Variants in PARD3B observed in about 807,000 individuals in gnomAD.
The protein encoded by PARD3B is par-3 family cell polarity regulator beta.
In PARD3B, 103 loss-of-function variants were observed where a neutral mutation model predicts 130.2. The observed-to-expected ratio is 0.79, with a 90% CI of 0.67 to 0.93. The LOEUF (loss-of-function observed/expected upper bound fraction) is 0.93, where lower values mean the gene tolerates loss of function less well. PARD3B is among the 40% of genes least tolerant of loss of function. The probability of loss-of-function intolerance (pLI) is 0.00; values close to 1 mark genes in which losing one functional copy is unlikely to be tolerated. For synonymous variants in PARD3B, 583 were observed against 553.2 expected, an observed-to-expected ratio of 1.05 and a Z score of -0.76; for missense variants, 1,609 against 1,499.2, an observed-to-expected ratio of 1.07 and a Z score of -1.21.
intron 2 of PARD3B, among the ~76,000 whole-genome samples, chr2:204,835,508 CTT>C (rs540078759): frequency 6.6e-4 from 101 of 152,266 alleles, no homozygotes; most frequent in South Asian, 1.2e-3. Flanking sequence ...CCCTTCCTGT[CTT>C]TATCCCCTGC....
At chr2:205,556,025 T>C (rs34900839) in intron 22 of PARD3B, among the ~76,000 whole-genome samples, 13 of 152,152 alleles carry the variant, frequency 8.5e-5, no homozygotes, top group Non-Finnish European at 1.8e-4. Context: ...GGTTTTCTTG[T>C]CTTTCCCCCT....
rs181466776 is a variant in PARD3B, at chr2:205,236,445, G to T, written c.2141-9333G>T. 7.2e-5 allele frequency among the ~76,000 whole-genome samples: 11 copies of T among 152,074 alleles called. No homozygotes were observed. The East Asian group carries it at 2.1e-3, about 29-fold the overall frequency. On this transcript the variant is annotated intron_variant, in intron 15 of 22. Transcript: ENST00000406610. ...GATGTAAAAATTTGGCACACACACA[G>T]ATGAAAGACTGTGTGAAGACACAGG...
At position 204,887,841 on chromosome 2, in the gene PARD3B, G is replaced by A. The variant is rs1007418611; in HGVS notation, c.223-77311G>A. On this transcript the variant is annotated intron_variant, in intron 2 of 22. Transcript: ENST00000406610. The surrounding 1 kb of genome is among the most constrained non-coding windows in gnomAD (Gnocchi z 4.2). ...GACAGTGCATGGTGCAATGCCAGAA[G>A]TTGACACTGTCATTGGGTGCTGTGG... 4.6e-5 allele frequency among the ~76,000 whole-genome samples: 7 copies of A among 152,296 alleles called. No homozygotes were observed. Among genetic ancestry groups the A allele is most frequent in the Non-Finnish European group, 7.3e-5 (5 of 68,028 alleles).
chr2:205,050,278 A>G (rs1699101442), intron 4 of PARD3B, among the ~76,000 whole-genome samples: 1 of 151,548 alleles, frequency 6.6e-6, no homozygotes, highest in African/African-American at 2.4e-5. Context: ...TACCAGGGAA[A>G]TGTTTATCTG....
chr2:205,257,994 T>C (rs1306021368), intron 16 of PARD3B, among the ~76,000 whole-genome samples: 2 of 152,160 alleles, frequency 1.3e-5, no homozygotes, highest in Non-Finnish European at 2.9e-5. Context: ...GTGCAAGAAA[T>C]GTGCAAAGCT....
chr2:205,091,870 C>T lies in PARD3B; in HGVS notation c.505-12556C>T, dbSNP rs1351241946. 6.6e-6 allele frequency among the ~76,000 whole-genome samples: 1 copy of T among 152,078 alleles called. No homozygotes were observed. The highest frequency in any genetic ancestry group is 2.4e-5 in the African/African-American group (1 of 41,410). On this transcript the variant is annotated intron_variant, in intron 4 of 22. Coordinates refer to ENST00000406610, the MANE Select transcript of PARD3B (RefSeq NM_001302769.2). This position sits in a 1 kb window ranked among gnomAD's most constrained non-coding sequence, Gnocchi z 4.2. ...ATACATTTTTTCATCTCTGTATCTC[C>T]AGTGCTTAGCACTGGAGCAAAGGGG... is the stretch of plus-strand genomic sequence containing the variant.
At chr2:205,434,499 G>T (rs2047443867) in intron 19 of PARD3B, among the ~76,000 whole-genome samples, 1 of 152,044 alleles carries the variant, frequency 6.6e-6, no homozygotes, top group African/African-American at 2.4e-5. Flanking sequence ...TTTTTTAATT[G>T]GTTTTGTTTT....
intron 2 of PARD3B, among the ~76,000 whole-genome samples, chr2:204,863,675 A>G (rs1431753666): frequency 6.6e-6 from 1 of 152,196 alleles, no homozygotes; most frequent in Admixed American, 6.5e-5. Flanking sequence ...GTCCATTTGT[A>G]GTTTGCGAAT....
chr2:204,719,942 C>T (rs916414675), intron 2 of PARD3B, among the ~76,000 whole-genome samples: 1 of 152,124 alleles, frequency 6.6e-6, no homozygotes, highest in Admixed American at 6.6e-5. Flanking sequence ...TATCCTCTCT[C>T]CCTGAATTTT....
chr2:204,779,005 G>C (rs1317096692), intron 2 of PARD3B, among the ~76,000 whole-genome samples: 2 of 152,104 alleles, frequency 1.3e-5, no homozygotes, highest in Non-Finnish European at 2.9e-5. Context: ...ACTTTATTAT[G>C]TGTACATGGG....
chr2:205,246,912 C>A (rs1189571198), intron 16 of PARD3B, among the ~76,000 whole-genome samples: 1 of 152,052 alleles, frequency 6.6e-6, no homozygotes, highest in Non-Finnish European at 1.5e-5. Flanking sequence ...TGATAAATTG[C>A]CACATGCTCC....
chr2:205,156,489 T>C (rs2034176800), intron 10 of PARD3B, among the ~76,000 whole-genome samples: 1 of 151,486 alleles, frequency 6.6e-6, no homozygotes, highest in South Asian at 2.1e-4. Flanking sequence ...TATTGAATAA[T>C]GTCAAACATG....
At chr2:204,706,230 G>T (rs2038145029) in intron 2 of PARD3B, among the ~76,000 whole-genome samples, 1 of 152,022 alleles carries the variant, frequency 6.6e-6, no homozygotes, top group Non-Finnish European at 1.5e-5. Flanking sequence ...AGCCGGGCAT[G>T]GTGGCAGGTG....
At chr2:204,651,992 T>C (rs2035494787) in intron 1 of PARD3B, among the ~76,000 whole-genome samples, 1 of 152,134 alleles carries the variant, frequency 6.6e-6, no homozygotes, top group African/African-American at 2.4e-5. Flanking sequence ...GCACAGAACA[T>C]CTAGGCCCTG....
In PARD3B at chr2:205,088,590, C is replaced by T. The variant is rs893001123; in HGVS notation, c.505-15836C>T. On this transcript the variant is annotated intron_variant, in intron 4 of 22. Transcript: ENST00000406610. ...TAAGTAAAAATCAACCCTCAACTTTCACTATGTTCGGGCAAAACTCTGGGA... is the reference window on the plus strand; with the variant it reads ...TAAGTAAAAATCAACCCTCAACTTTTACTATGTTCGGGCAAAACTCTGGGA... Among the ~76,000 whole-genome samples the T allele has an allele frequency of 2.0e-5, 3 of 152,230 alleles. No homozygotes were observed. The East Asian group carries it at 5.8e-4, about 29-fold the overall frequency.
At chr2:205,377,793 A>G (rs2045124276) in intron 18 of PARD3B, among the ~76,000 whole-genome samples, 2 of 124,752 alleles carry the variant, frequency 1.6e-5, no homozygotes, top group Admixed American at 1.7e-4. Flanking sequence ...TTTTTGAGAC[A>G]GGGTTTCGCT....
intron 18 of PARD3B, among the ~76,000 whole-genome samples, chr2:205,388,614 A>T (rs922232109): frequency 6.6e-6 from 1 of 152,132 alleles, no homozygotes; most frequent in African/African-American, 2.4e-5. Context: ...TTAATTCTGG[A>T]TATATTTGCT....
intron 18 of PARD3B, among the ~76,000 whole-genome samples, chr2:205,386,802 ATAGTGTGACCTTAGGTAGG>A: frequency 6.6e-6 from 1 of 152,060 alleles, no homozygotes; most frequent in African/African-American, 2.4e-5. Flanking sequence ...ACTTAGTGTG[ATAGTGTGACCTTAGGTAGG>A]TCACTTGACT....
rs570853473 is a variant in PARD3B at position 205,435,998 on chromosome 2, G to A, written c.2742-4372G>A. Among the ~76,000 whole-genome samples the A allele has an allele frequency of 1.6e-4, 24 of 152,228 alleles. No homozygotes were observed. The South Asian group carries it at 1.9e-3, about 12-fold the overall frequency. ...TTATTTTCTCATAGTTCAAGAGACC[G>A]AGAAGTCTAAGATCAAGGTGCCATC... On this transcript the variant is annotated intron_variant, in intron 19 of 22. Transcript: ENST00000406610.
Sources: allele counts gnomAD v4.1 joint callset (sites outside exome capture counted in the v4.1 genomes callset), GRCh38; gene constraint gnomAD v4.1.1; non-coding constraint Gnocchi (gnomAD v3.1); transcripts MANE v1.5; gene names NCBI Gene and HGNC (gene_info 2026-07-23, HGNC 2026-07-21).